ARHGEF10: variants seen among roughly 807,000 people sequenced by gnomAD.
The protein encoded by ARHGEF10 is Rho guanine nucleotide exchange factor 10.
ARHGEF10 carries 140 observed loss-of-function variants against 147.4 expected under a neutral mutation model. The observed-to-expected ratio is 0.95, with a 90% CI of 0.83 to 1.09. The LOEUF is 1.09. Ranked by LOEUF, ARHGEF10 falls within the 50% of genes least tolerant of loss-of-function variation. The pLI is 0.00. For synonymous variants in ARHGEF10, 902 were observed against 695.8 expected (o/e 1.30, Z -4.67); for missense variants, 2,222 against 1,752.7 (o/e 1.27, Z -4.78).
chr8:1,931,777 C>A (rs879926205), intron 25 of ARHGEF10, among the ~76,000 whole-genome samples: 10 of 133,294 alleles, frequency 7.5e-5, no homozygotes, highest in East Asian at 4.7e-4. Context: ...ACGTCATTAG[C>A]GTGTGCCTGG....
chr8:1,926,329 C>T, intron 22 of ARHGEF10, 48 bp from the exon 23 acceptor site: 1 of 1,492,112 alleles, frequency 6.7e-7, no homozygotes, highest in Non-Finnish European at 9.4e-7. Context: ...GTCTAGGAGC[C>T]TCTTAGCTCT....
chr8:1,836,679 C>T (rs920765500), intron 1 of ARHGEF10, among the ~76,000 whole-genome samples: 10 of 152,164 alleles, frequency 6.6e-5, no homozygotes, highest in African/African-American at 2.4e-4. Flanking sequence ...AGCTCTGAGT[C>T]CAGAAACAAA....
intron 1 of ARHGEF10, among the ~76,000 whole-genome samples, chr8:1,835,908 G>A (rs528694007): frequency 6.6e-6 from 1 of 152,272 alleles, no homozygotes; most frequent in Non-Finnish European, 1.5e-5. Context: ...CAGGCCAGGC[G>A]CCGTGGCTCA....
At chr8:1,831,152 G>T (rs1803073572) in intron 1 of ARHGEF10, among the ~76,000 whole-genome samples, 1 of 152,184 alleles carries the variant, frequency 6.6e-6, no homozygotes, top group South Asian at 2.1e-4. Context: ...GAGCCACGGA[G>T]GGGCCATGTG....
chr8:1,915,407 G>A (rs1202140152), intron 18 of ARHGEF10, among the ~76,000 whole-genome samples: 1 of 152,234 alleles, frequency 6.6e-6, no homozygotes, highest in Non-Finnish European at 1.5e-5. Context: ...CAAAATGAGA[G>A]CCCATTAAGG....
chr8:1,863,237 G>C (rs1331428417), intron 4 of ARHGEF10, among the ~76,000 whole-genome samples: 1 of 152,160 alleles, frequency 6.6e-6, no homozygotes, highest in Non-Finnish European at 1.5e-5. Flanking sequence ...ATGCATGTGG[G>C]ATTTGCAGCG....
chr8:1,945,963 T>C (rs1814554705), intron 27 of ARHGEF10: 1 of 514,022 alleles, frequency 1.9e-6, no homozygotes, highest in Non-Finnish European at 3.5e-6. Context: ...AGACGATTTC[T>C]CATCATCGGT....
In ARHGEF10 at chr8:1,886,521, T is replaced by C. The variant is rs1425349486; in HGVS notation, c.1182+814T>C. Among the ~76,000 whole-genome samples, 3 of 152,244 alleles carry C rather than the reference T, an allele frequency of 2.0e-5. No individual in the cohort carries two copies. In the South Asian group the frequency reaches 6.2e-4, roughly 32 times the overall value. The stretch of plus-strand genomic sequence containing the variant: ...AGGGATACCTGCGAGCTGTTCATAA[T>C]TGACCAGGCTGAAATAGGAAGCTTA... On this transcript the variant is annotated intron_variant, in intron 11 of 28. Transcript: ENST00000349830.
chr8:1,923,609 T>G lies in ARHGEF10; in HGVS notation c.2387+14T>G. The G allele has an allele frequency of 6.2e-7, 1 of 1,614,158 alleles. No individual in the cohort carries two copies. Among genetic ancestry groups the G allele is most frequent in the Non-Finnish European group, 8.5e-7 (1 of 1,180,036 alleles). On this transcript the variant is annotated intron_variant, in intron 20 of 28. Transcript: ENST00000349830. ...GAAGCAGGACAAGTTAGTAGTAGCT[T>G]TAAAACGAAACCTTCTTGGCCAATG...
intron 1 of ARHGEF10, among the ~76,000 whole-genome samples, chr8:1,825,035 A>C (rs1335745405): frequency 4.1e-4 from 4 of 9,768 alleles, no homozygotes; most frequent in Non-Finnish European, 5.4e-4. Context: ...CTGTCCCCCC[A>C]CACCCCACCT....
intron 1 of ARHGEF10, among the ~76,000 whole-genome samples, chr8:1,839,344 CTGTCT>C: frequency 7.3e-6 from 1 of 137,054 alleles, no homozygotes; most frequent in Non-Finnish European, 1.5e-5. Context: ...GGTGTAGGGA[CTGTCT>C]GGTGTGGGGA....
intron 2 of ARHGEF10, among the ~76,000 whole-genome samples, chr8:1,855,160 G>C (rs1271144442): frequency 6.6e-6 from 1 of 152,166 alleles, no homozygotes; most frequent in Non-Finnish European, 1.5e-5. Flanking sequence ...GCAGATATTT[G>C]AGAGCCTATT....
intron 5 of ARHGEF10, 127 bp from the exon 6 acceptor site, chr8:1,866,399 A>G (rs1806614020): frequency 2.5e-6 from 2 of 813,318 alleles, no homozygotes; most frequent in African/African-American, 1.8e-5. Context: ...TTTCCTGTAT[A>G]GTAACATATA....
intron 11 of ARHGEF10, 21 bp downstream of exon 11, chr8:1,885,728 A>C: frequency 1.3e-6 from 2 of 1,555,192 alleles, no homozygotes; most frequent in Non-Finnish European, 1.8e-6. Context: ...CAGAGCTGAC[A>C]GGGGCTGTTG....
chr8:1,947,407 C>T (rs1269016402), intron 27 of ARHGEF10, among the ~76,000 whole-genome samples: 1 of 152,186 alleles, frequency 6.6e-6, no homozygotes, highest in Non-Finnish European at 1.5e-5. Flanking sequence ...CTGCAGGATC[C>T]TTGGTGTTTA....
intron 11 of ARHGEF10, among the ~76,000 whole-genome samples, chr8:1,891,134 G>A (rs545357081): frequency 2.6e-5 from 4 of 152,272 alleles, no homozygotes; most frequent in African/African-American, 9.6e-5. Context: ...GCACAGTGCC[G>A]TCACTTTCAA....
intron 11 of ARHGEF10, among the ~76,000 whole-genome samples, chr8:1,891,920 C>T (rs1046251764): frequency 7.3e-5 from 11 of 150,402 alleles, no homozygotes; most frequent in African/African-American, 2.4e-4. Flanking sequence ...TTAGTATCAT[C>T]TCAGGACTTT....
In ARHGEF10 at chr8:1,870,369, A is replaced by T. The variant is rs1807011516; in HGVS notation, c.679+1119A>T. 4 of 152,100 alleles carry T rather than the reference A, an allele frequency of 2.6e-5. 1 individual carries two copies. In the South Asian group the frequency reaches 8.3e-4, roughly 32 times the overall value. 9.4% of individuals were successfully genotyped at this position (152,100 alleles called of 1,614,324 possible). A position where few individuals can be genotyped will look rare whatever the true frequency, so the allele number is the denominator to read the frequency against. ...AAAACCCAATCTGGTAAATGCAAGA[A>T]AATATAAAATAAGAAAGCTTTGCAA... is the stretch of plus-strand genomic sequence containing the variant. On this transcript the variant is annotated intron_variant, in intron 7 of 28. Transcript: ENST00000349830.
chr8:1,911,811 A>G (rs755615792), intron 18 of ARHGEF10, among the ~76,000 whole-genome samples: 1 of 152,218 alleles, frequency 6.6e-6, no homozygotes, highest in Non-Finnish European at 1.5e-5. Context: ...GACAAAACCC[A>G]GGTACATCCA....
Sources: allele counts gnomAD v4.1 joint callset (sites outside exome capture counted in the v4.1 genomes callset), GRCh38; gene constraint gnomAD v4.1.1; transcripts MANE v1.5; gene names NCBI Gene and HGNC (gene_info 2026-07-23, HGNC 2026-07-21).